The following DZIP1L variants were observed in gnomAD, a reference collection of about 807,000 sequenced individuals.
DZIP1L encodes DAZ interacting zinc finger protein 1 like.
A neutral mutation model predicts 88.7 loss-of-function variants in DZIP1L; 90 were observed. That is an observed-to-expected ratio of 1.02 (90% CI 0.86 to 1.21). DZIP1L has a LOEUF of 1.21. Ranked by LOEUF, DZIP1L falls within the 50% of genes most tolerant of loss-of-function variation. The pLI is 0.00. For synonymous variants in DZIP1L, 363 were observed against 372.1 expected (o/e 0.98, Z 0.28); for missense variants, 932 against 955.8 (o/e 0.98, Z 0.33).
In DZIP1L at chr3:138,084,145, G is replaced by A. The variant is rs1943807622; in HGVS notation, c.1171C>T (p.Gln391Ter). The part of the protein sequence containing the change: ...ISTLRAQLQE[Q>*]ARIIASQEEM... ...TCCTGGGAGGCAATGATCCTAGCTT[G>A]TTCCTGCAGCTGGGCACGGAGGGTG... The change falls in exon 8 of 16, where the codon CAA becomes TAA. Residue 391 changes from glutamine to a stop codon, truncating the protein, a stop_gained. Transcript: ENST00000327532. LOFTEE classifies it high-confidence loss of function. 6.2e-7 allele frequency: 1 copy of A among 1,614,142 alleles called. No homozygotes were observed. Among genetic ancestry groups the A allele is most frequent in the Non-Finnish European group, 8.5e-7 (1 of 1,180,006 alleles).
chr3:138,089,054 C>T (rs1944084686), intron 5 of DZIP1L: 2 of 985,402 alleles, frequency 2.0e-6, no homozygotes, highest in Non-Finnish European at 2.4e-6. Flanking sequence ...GGATGCCTTT[C>T]CACCCACCTT....
At chr3:138,093,032 T>TG (rs1462374420) in intron 4 of DZIP1L, among the ~76,000 whole-genome samples, 1 of 152,228 alleles carries the variant, frequency 6.6e-6, no homozygotes, top group African/African-American at 2.4e-5. Flanking sequence ...GCATCCAGAA[T>TG]GGCAAATCCT....
intron 1 of DZIP1L, among the ~76,000 whole-genome samples, chr3:138,109,484 C>G (rs2042582484): frequency 6.6e-6 from 1 of 152,160 alleles, no homozygotes; most frequent in Non-Finnish European, 1.5e-5. Context: ...TTTCAAGGCC[C>G]TGCTTATAAA....
chr3:138,098,653 T>C (rs532167098), intron 2 of DZIP1L, among the ~76,000 whole-genome samples: 1 of 152,178 alleles, frequency 6.6e-6, no homozygotes, highest in South Asian at 2.1e-4. Context: ...CTTTCTTCCT[T>C]GGTAATAGTA....
intron 6 of DZIP1L, 104 bp downstream of exon 6, chr3:138,088,275 T>C: frequency 2.1e-6 from 3 of 1,419,444 alleles, no homozygotes; most frequent in South Asian, 1.5e-5. Flanking sequence ...ATATAGAACT[T>C]TGATGTCCTT....
At chr3:138,111,831 C>G (rs1402283354) in intron 1 of DZIP1L, among the ~76,000 whole-genome samples, 2 of 151,938 alleles carry the variant, frequency 1.3e-5, no homozygotes, top group Non-Finnish European at 2.9e-5. Flanking sequence ...CCCGTCTCTA[C>G]TAAAAATACA....
intron 7 of DZIP1L, among the ~76,000 whole-genome samples, chr3:138,085,535 T>C (rs970113132): frequency 2.0e-5 from 3 of 151,816 alleles, no homozygotes; most frequent in Non-Finnish European, 2.9e-5. Context: ...ATCAGAGAAA[T>C]GCAAATCAAA....
At chr3:138,073,170 G>A (rs929445939) in intron 11 of DZIP1L, among the ~76,000 whole-genome samples, 2 of 151,930 alleles carry the variant, frequency 1.3e-5, no homozygotes, top group African/African-American at 4.9e-5. Context: ...ACTTAACCAG[G>A]TGTCCCTAGG....
intron 1 of DZIP1L, chr3:138,112,436 T>C (rs1298599492): frequency 6.6e-6 from 1 of 152,206 alleles, no homozygotes; most frequent in Admixed American, 6.5e-5. Context: ...GTGTTGGGGA[T>C]TCTAAATTCT....
intron 1 of DZIP1L, 88 bp downstream of exon 1, chr3:138,115,240 G>T (rs1180652335): frequency 2.0e-5 from 3 of 152,200 alleles, no homozygotes; most frequent in Non-Finnish European, 4.4e-5. Flanking sequence ...CTCCCGAATC[G>T]CTGATCCCTC....
chr3:138,101,231 T>TC (rs2107837539), intron 2 of DZIP1L, among the ~76,000 whole-genome samples: 1 of 151,974 alleles, frequency 6.6e-6, no homozygotes, highest in Non-Finnish European at 1.5e-5. Context: ...CACTATTTTT[T>TC]TTTTTTGGCA....
chr3:138,064,131 G>C (rs1416656927), intron 15 of DZIP1L, among the ~76,000 whole-genome samples: 3 of 152,192 alleles, frequency 2.0e-5, no homozygotes, highest in Non-Finnish European at 4.4e-5. Context: ...GGAGGCTCAG[G>C]TTTCTAAAAC....
intron 1 of DZIP1L, among the ~76,000 whole-genome samples, chr3:138,115,072 C>T (rs2042670603): frequency 6.6e-6 from 1 of 152,292 alleles, no homozygotes; most frequent in Admixed American, 6.5e-5. Flanking sequence ...GGGTCCTTCC[C>T]TCCCTGGGCG....
chr3:138,104,830 C>T (rs1215047978), intron 1 of DZIP1L, among the ~76,000 whole-genome samples: 1 of 152,154 alleles, frequency 6.6e-6, no homozygotes, highest in Non-Finnish European at 1.5e-5. Flanking sequence ...TCTCTAAACT[C>T]TTGGTGAGCA....
rs1178695870 is a variant in DZIP1L, at chr3:138,088,396, C to G, written c.982G>C (p.Glu328Gln). Residue 328 changes from glutamate (E) to glutamine (Q), a missense_variant, in exon 6 of 16, where the codon GAG becomes CAG. Transcript: ENST00000327532. ...CAGCTCACCTGAATTTCTGTCTTCTCTCTCAGGGCCTGAAGCTCCCGTGCC... is the reference window on the plus strand; with the variant it reads ...CAGCTCACCTGAATTTCTGTCTTCTGTCTCAGGGCCTGAAGCTCCCGTGCC... The part of the protein sequence containing the change: ...RQARELQALR[E>Q]KTEIQKTEWK... 1 of 1,612,832 alleles carries G rather than the reference C, an allele frequency of 6.2e-7. No individual in the cohort carries two copies. The highest frequency in any genetic ancestry group is 8.5e-7 in the Non-Finnish European group (1 of 1,179,454).
intron 9 of DZIP1L, among the ~76,000 whole-genome samples, chr3:138,080,895 A>G (rs545639010): frequency 1.4e-4 from 22 of 152,288 alleles, no homozygotes; most frequent in South Asian, 8.3e-4. Flanking sequence ...GGATAATTCA[A>G]TAGTGAGCCA....
intron 1 of DZIP1L, among the ~76,000 whole-genome samples, chr3:138,110,058 A>G (rs2042592790): frequency 6.6e-6 from 1 of 152,238 alleles, no homozygotes; most frequent in Non-Finnish European, 1.5e-5. Context: ...CGTTCTGCAC[A>G]TGTATCCCAG....
chr3:138,071,188 T>C (rs34622735), intron 12 of DZIP1L, among the ~76,000 whole-genome samples: 28,000 of 152,158 alleles, frequency 0.18, 2,920 homozygotes, highest in African/African-American at 0.26. Flanking sequence ...TACATTCAAT[T>C]GATATTTGCC....
intron 2 of DZIP1L, among the ~76,000 whole-genome samples, chr3:138,099,446 A>C (rs1944624740): frequency 6.6e-6 from 1 of 152,244 alleles, no homozygotes; most frequent in Non-Finnish European, 1.5e-5. Context: ...CAGAGTGATA[A>C]GGGCAGTAAA....
Sources: allele counts gnomAD v4.1 joint callset (sites outside exome capture counted in the v4.1 genomes callset), GRCh38; gene constraint gnomAD v4.1.1; transcripts MANE v1.5; gene names NCBI Gene and HGNC (gene_info 2026-07-23, HGNC 2026-07-21).